The following NME9 variants were observed in gnomAD, a reference collection of about 807,000 sequenced individuals.
NME9 encodes the protein thioredoxin domain-containing protein 6.
Under a neutral mutation model 44.4 loss-of-function variants are expected in NME9, and 48 were observed. The ratio of observed to expected loss-of-function variants is 1.08; its 90% CI spans 0.86 to 1.37. The LOEUF is 1.37. Among genes scored for constraint, NME9 ranks in the 40% most tolerant of loss-of-function variants. The pLI, the probability that NME9 is intolerant of heterozygous loss-of-function variation, is 0.00. For missense variants in NME9, 325 were observed against 405.2 expected, an observed-to-expected ratio of 0.80 and a Z score of 1.70; for synonymous variants, 139 against 147.1, an observed-to-expected ratio of 0.94 and a Z score of 0.40.
chr3:138,290,521 C>T (rs2050836327), intron 8 of NME9: 1 of 1,548,892 alleles, frequency 6.5e-7, no homozygotes, highest in Non-Finnish European at 8.8e-7. Context: ...GTCATGTTCC[C>T]AGTAACCTGG....
chr3:138,285,222 C>T (rs773724748), intron 8 of NME9, among the ~76,000 whole-genome samples: 20 of 152,202 alleles, frequency 1.3e-4, no homozygotes, highest in Non-Finnish European at 2.5e-4. Flanking sequence ...ATATTCTTAC[C>T]TGCCCCTCAT....
chr3:138,317,842 C>T lies in NME9; in HGVS notation c.267+306G>A, dbSNP rs1190193662. 7.2e-5 allele frequency among the ~76,000 whole-genome samples: 11 copies of T among 152,272 alleles called. No homozygotes were observed. The East Asian group carries it at 1.9e-3, about 27-fold the overall frequency. On this transcript the variant is annotated intron_variant, in intron 4 of 10. Coordinates refer to ENST00000333911, the MANE Select transcript of NME9 (RefSeq NM_001349018.2). ...TGTGTACAGCAAGTCAGGAAGGTTG[C>T]CCCAGCACAGTGACCACTAGGGTGC...
intron 8 of NME9, chr3:138,295,820 A>T (rs1215483960): frequency 6.2e-7 from 1 of 1,611,652 alleles, no homozygotes; most frequent in Non-Finnish European, 8.5e-7. Context: ...CCCAATTACA[A>T]TTCTGAGATG....
At chr3:138,270,200 T>C in intron 8 of NME9, 1 of 1,191,894 alleles carries the variant, frequency 8.4e-7, no homozygotes, top group Non-Finnish European at 1.2e-6. Flanking sequence ...GTTAGAACTA[T>C]AATGTGTTAT....
intron 6 of NME9, among the ~76,000 whole-genome samples, chr3:138,307,195 C>T (rs1032368843): frequency 2.0e-5 from 3 of 152,240 alleles, no homozygotes; most frequent in Non-Finnish European, 4.4e-5. Flanking sequence ...AGCCCTAGCT[C>T]ACTGGCCAGT....
At chr3:138,294,109 CAGA>C (rs767723036) in intron 8 of NME9, among the ~76,000 whole-genome samples, 1 of 152,236 alleles carries the variant, frequency 6.6e-6, no homozygotes. Flanking sequence ...GAATAAGATC[CAGA>C]AGGAGTTTGA....
intron 7 of NME9, 37 bp from the exon 8 acceptor site, chr3:138,306,133 CA>C: frequency 7.0e-7 from 1 of 1,428,934 alleles, no homozygotes; most frequent in Non-Finnish European, 9.8e-7. Context: ...AAGGGTAAAT[CA>C]AGCCCAAATT....
At chr3:138,321,673 C>T (rs2053473043) in intron 2 of NME9, among the ~76,000 whole-genome samples, 1 of 152,048 alleles carries the variant, frequency 6.6e-6, no homozygotes, top group Non-Finnish European at 1.5e-5. Context: ...CCATGTAGCA[C>T]AATTTTGCAG....
chr3:138,316,857 T>C (rs1375714649), intron 4 of NME9, among the ~76,000 whole-genome samples: 1 of 152,116 alleles, frequency 6.6e-6, no homozygotes, highest in East Asian at 1.9e-4. Flanking sequence ...TCAGGTGATC[T>C]GCCTACCTTG....
downstream of NME9, among the ~76,000 whole-genome samples, chr3:138,299,996 C>T (rs2051757556): frequency 6.6e-6 from 1 of 152,182 alleles, no homozygotes; most frequent in South Asian, 2.1e-4. Flanking sequence ...AAGTCGTTTG[C>T]CACTCGTGAA....
At position 138,301,205 on chromosome 3, in the gene NME9, T is replaced by A. The variant is rs970798664; in HGVS notation, c.*435A>T. 5.2e-6 allele frequency: 4 copies of A among 769,396 alleles called. No individual in the cohort carries two copies. The African/African-American group carries it at 5.7e-5, about 11-fold the overall frequency. 47.7% of individuals were successfully genotyped at this position (769,396 alleles called of 1,614,324 possible). On this transcript the variant is annotated 3_prime_UTR_variant, in exon 11 of 11. Transcript: ENST00000333911. Reference sequence around the variant, plus strand: ...TATACTATTCTCTTTCTTTACTTTTTTTTTTATTATTATTATTAAGATGGA... The same window carrying A: ...TATACTATTCTCTTTCTTTACTTTTATTTTTATTATTATTATTAAGATGGA...
chr3:138,294,725 A>G (rs1468747366), intron 8 of NME9, among the ~76,000 whole-genome samples: 1 of 152,006 alleles, frequency 6.6e-6, no homozygotes, highest in Non-Finnish European at 1.5e-5. Flanking sequence ...CTGACTTCCT[A>G]ACTCCCACGA....
chr3:138,265,257 T>TC (rs967971226), intron 8 of NME9, among the ~76,000 whole-genome samples: 4 of 151,374 alleles, frequency 2.6e-5, no homozygotes, highest in African/African-American at 4.9e-5. Flanking sequence ...GCCCCTTTTG[T>TC]CCCCCCCAAA....
At chr3:138,303,081 G>A (rs1383203071) in intron 10 of NME9, among the ~76,000 whole-genome samples, 2 of 152,244 alleles carry the variant, frequency 1.3e-5, no homozygotes, top group Non-Finnish European at 2.9e-5. Context: ...GCAGGCTCCA[G>A]GTTGAGGGCC....
chr3:138,304,241 G>A (rs2108430405), intron 9 of NME9, among the ~76,000 whole-genome samples: 1 of 152,312 alleles, frequency 6.6e-6, no homozygotes, highest in East Asian at 1.9e-4. Context: ...ATATATAAAT[G>A]TTCCTGGTCC....
chr3:138,272,644 A>G (rs1187674110), intron 8 of NME9, among the ~76,000 whole-genome samples: 3 of 152,196 alleles, frequency 2.0e-5, no homozygotes, highest in Non-Finnish European at 4.4e-5. Context: ...TGGAAGGCCA[A>G]AGCAAGTGGA....
intron 10 of NME9, among the ~76,000 whole-genome samples, chr3:138,302,703 A>G (rs960620588): frequency 3.9e-5 from 6 of 152,254 alleles, no homozygotes; most frequent in African/African-American, 1.4e-4. Context: ...TGAGACCATG[A>G]GCATATCAAA....
chr3:138,262,308 G>C, exon 9 of NME9: 1 of 509,416 alleles, frequency 2.0e-6, no homozygotes, highest in Non-Finnish European at 3.5e-6. Flanking sequence ...AATTAGGTTT[G>C]GTCTAGGGCG....
Position 138,301,090 on chromosome 3 carries a change from G to A in NME9, c.*550C>T. Reference sequence around the variant, plus strand: ...TGACACTTATATCTCACAACAGGATGTAATAACTGATGTTCAATTATTTTG... The same window carrying A: ...TGACACTTATATCTCACAACAGGATATAATAACTGATGTTCAATTATTTTG... On this transcript the variant is annotated 3_prime_UTR_variant, in exon 11 of 11. Coordinates refer to ENST00000333911, the MANE Select transcript of NME9 (RefSeq NM_001349018.2). 1.0e-6 allele frequency: 1 copy of A among 965,474 alleles called. No homozygotes were observed. Among genetic ancestry groups the A allele is most frequent in the Non-Finnish European group, 1.2e-6 (1 of 811,772 alleles). The allele number at this position is 965,474 out of a possible 1,614,324, so 59.8% of individuals were successfully genotyped here.
Sources: allele counts gnomAD v4.1 joint callset (sites outside exome capture counted in the v4.1 genomes callset), GRCh38; gene constraint gnomAD v4.1.1; transcripts MANE v1.5; gene names NCBI Gene and HGNC (gene_info 2026-07-23, HGNC 2026-07-21).